BEND6: variants seen among roughly 807,000 people sequenced by gnomAD.
The protein encoded by BEND6 is BEN domain containing 6, also known as BEN domain-containing protein 6.
A neutral mutation model predicts 31.8 loss-of-function variants in BEND6; 24 were observed. The ratio of observed to expected loss-of-function variants is 0.75; its 90% CI spans 0.55 to 1.06. BEND6 has a LOEUF of 1.06. BEND6 is among the 50% of genes least tolerant of loss of function. The pLI is 0.00. For missense variants in BEND6, 294 were observed against 327.4 expected (o/e 0.90, Z 0.79); for synonymous variants, 109 against 114.6 (o/e 0.95, Z 0.31).
chr6:56,992,258 A>T, intron 2 of BEND6, 120 bp from the exon 3 acceptor site: 2 of 1,126,366 alleles, frequency 1.8e-6, no homozygotes, highest in South Asian at 2.0e-5. Flanking sequence ...CTAGATCAGC[A>T]GCAGGAAGTG....
In BEND6 at chr6:57,017,322, CAG is replaced by C. The variant is rs772648247; in HGVS notation, c.636_637del (p.Ala214LysfsTer18). The C allele has an allele frequency of 1.4e-5, 21 of 1,462,698 alleles. No individual in the cohort carries two copies. Among genetic ancestry groups the C allele is most frequent in the Non-Finnish European group, 1.7e-5 (19 of 1,103,316 alleles). 90.6% of individuals were successfully genotyped at this position (1,462,698 alleles called of 1,614,324 possible). A position where few individuals can be genotyped will look rare whatever the true frequency, so the allele number is the denominator to read the frequency against. ...GAATACATGGCCACTCACAGCCTGACAGGGGCAAAATCCTCTACTTCAAGGGA... is the reference window on the plus strand; with the variant it reads ...GAATACATGGCCACTCACAGCCTGACGGGCAAAATCCTCTACTTCAAGGGA... On this transcript the variant is annotated frameshift_variant, in exon 5 of 7. Coordinates refer to ENST00000370746, the MANE Select transcript of BEND6 (RefSeq NM_152731.3). LOFTEE classifies it high-confidence loss of function.
At chr6:57,021,806 T>C (rs1161009073) in intron 6 of BEND6, among the ~76,000 whole-genome samples, 2 of 152,172 alleles carry the variant, frequency 1.3e-5, no homozygotes, top group South Asian at 2.1e-4. Flanking sequence ...TTATAACTTA[T>C]AGGTGATCTA....
At chr6:56,962,954 C>T (rs762945865) in intron 1 of BEND6, among the ~76,000 whole-genome samples, 3 of 152,158 alleles carry the variant, frequency 2.0e-5, no homozygotes, top group African/African-American at 7.2e-5. Context: ...AAATGCTTTA[C>T]GTGCATTTAC....
At chr6:56,958,973 A>G (rs879890915) in intron 1 of BEND6, among the ~76,000 whole-genome samples, 1 of 152,234 alleles carries the variant, frequency 6.6e-6, no homozygotes, top group Non-Finnish European at 1.5e-5. Context: ...ATTTAACTCT[A>G]AAGGGGATGA....
chr6:56,965,000 A>G (rs915714607), intron 1 of BEND6, among the ~76,000 whole-genome samples: 14 of 152,216 alleles, frequency 9.2e-5, no homozygotes, highest in Non-Finnish European at 1.8e-4. Context: ...GACTTGCCCT[A>G]TGGCTAACCA....
intron 3 of BEND6, among the ~76,000 whole-genome samples, chr6:56,997,283 T>C (rs1032245270): frequency 6.6e-6 from 1 of 152,212 alleles, no homozygotes; most frequent in African/African-American, 2.4e-5. Context: ...ATTCATCTTT[T>C]CCGTGACCTT....
intron 3 of BEND6, among the ~76,000 whole-genome samples, chr6:57,014,786 C>G (rs993945585): frequency 1.3e-5 from 2 of 151,984 alleles, no homozygotes; most frequent in Non-Finnish European, 2.9e-5. Context: ...AGTAATAGCT[C>G]CAAACAAGAG....
chr6:57,003,323 G>T (rs1191772076), intron 3 of BEND6, among the ~76,000 whole-genome samples: 5 of 152,040 alleles, frequency 3.3e-5, no homozygotes, highest in African/African-American at 1.2e-4. Flanking sequence ...AACAACACAA[G>T]ACCTTATCTC....
At chr6:56,968,980 C>T (rs1825590620) in intron 1 of BEND6, among the ~76,000 whole-genome samples, 3 of 151,576 alleles carry the variant, frequency 2.0e-5, no homozygotes, top group Non-Finnish European at 2.9e-5. Flanking sequence ...GAGGCTGAGG[C>T]AGGAGAATCA....
In BEND6 at chr6:56,981,665, C is replaced by A. The variant is rs76175142; in HGVS notation, c.-100-46C>A. 310 of 783,478 alleles carry A rather than the reference C, an allele frequency of 4.0e-4. No homozygotes were observed. In the African/African-American group the frequency reaches 5.0e-3, roughly 13 times the overall value. 48.5% of individuals were successfully genotyped at this position (783,478 alleles called of 1,614,324 possible). On this transcript the variant is annotated intron_variant, in intron 1 of 6. Transcript: ENST00000370746. ...GTGGCTAGTACCATTATGAAACATA[C>A]AGTTGTGAATATGTTATGTGTCATG...
chr6:56,956,135 G>T (rs924035367), intron 1 of BEND6, among the ~76,000 whole-genome samples: 2 of 152,234 alleles, frequency 1.3e-5, no homozygotes, highest in African/African-American at 2.4e-5. Flanking sequence ...TGTGGGGCTG[G>T]ATTGTTTGTT....
chr6:57,004,870 A>G, intron 3 of BEND6: 2 of 623,854 alleles, frequency 3.2e-6, no homozygotes, highest in South Asian at 1.8e-5. Flanking sequence ...GAAATTAGCC[A>G]GACATGGTGG....
intron 1 of BEND6, among the ~76,000 whole-genome samples, chr6:56,974,731 G>C (rs1290866048): frequency 6.6e-6 from 1 of 152,104 alleles, no homozygotes; most frequent in Non-Finnish European, 1.5e-5. Context: ...TTTTTAATTA[G>C]AAAAATTATT....
At chr6:57,011,715 C>CAAAAAAAAAAAAAAAAAAAAAAAAAAAA (rs770049459) in intron 3 of BEND6, among the ~76,000 whole-genome samples, 2 of 34,100 alleles carry the variant, frequency 5.9e-5, no homozygotes, top group African/African-American at 1.1e-4. Context: ...GGCCCTGTCT[C>CAAAAAAAAAAAAAAAAAAAAAAAAAAAA]AAAAAAAAAA....
At chr6:56,962,371 G>A (rs1825322092) in intron 1 of BEND6, among the ~76,000 whole-genome samples, 1 of 152,180 alleles carries the variant, frequency 6.6e-6, no homozygotes. Context: ...ACATCATCAT[G>A]ATCACATATT....
intron 1 of BEND6, among the ~76,000 whole-genome samples, chr6:56,970,755 T>C (rs1469578478): frequency 1.3e-5 from 2 of 152,192 alleles, no homozygotes; most frequent in African/African-American, 4.8e-5. Context: ...TGACCTGAAA[T>C]CTACTGGAAA....
At chr6:57,008,874 G>GAATC (rs1289248360) in intron 3 of BEND6, 1 of 152,112 alleles carries the variant, frequency 6.6e-6, no homozygotes, top group African/African-American at 2.4e-5. Context: ...ATAACATAGG[G>GAATC]AATCAACTTA....
At chr6:57,019,836 G>A (rs772118028) in intron 6 of BEND6, among the ~76,000 whole-genome samples, 2 of 152,210 alleles carry the variant, frequency 1.3e-5, no homozygotes, top group Admixed American at 6.5e-5. Flanking sequence ...GCTCACGCCT[G>A]TAGTCCCAAT....
chr6:56,976,965 G>A (rs1209885934), intron 1 of BEND6, among the ~76,000 whole-genome samples: 1 of 152,108 alleles, frequency 6.6e-6, no homozygotes, highest in Non-Finnish European at 1.5e-5. Flanking sequence ...CCAACTCACA[G>A]GAAAATAGCA....
Sources: allele counts gnomAD v4.1 joint callset (sites outside exome capture counted in the v4.1 genomes callset), GRCh38; gene constraint gnomAD v4.1.1; transcripts MANE v1.5; gene names NCBI Gene and HGNC (gene_info 2026-07-23, HGNC 2026-07-21).